Variants in SCP2 observed in about 807,000 individuals in gnomAD.
SCP2 encodes the protein sterol carrier protein 2, also known as SCP-2/3-oxoacyl-CoA thiolase.
In SCP2, 48 loss-of-function variants were observed where a neutral mutation model predicts 71.4. That is an observed-to-expected ratio of 0.67 (90% CI 0.53 to 0.86). The LOEUF (loss-of-function observed/expected upper bound fraction) is 0.86, where lower values mean the gene tolerates loss of function less well. Among genes scored for constraint, SCP2 ranks in the 40% least tolerant of loss-of-function variants. The pLI, the probability that SCP2 is intolerant of heterozygous loss-of-function variation, is 0.00. For missense variants in SCP2, 560 were observed against 655.6 expected (o/e 0.85, Z 1.59); for synonymous variants, 220 against 218.1 (o/e 1.01, Z -0.08).
At chr1:52,975,343 G>A (rs1395255579) in intron 7 of SCP2, among the ~76,000 whole-genome samples, 1 of 152,144 alleles carries the variant, frequency 6.6e-6, no homozygotes, top group East Asian at 1.9e-4. Flanking sequence ...ACAGCACCTG[G>A]CTAATTTTTG....
chr1:52,963,873 A>T (rs1656706426), intron 6 of SCP2, among the ~76,000 whole-genome samples: 1 of 152,100 alleles, frequency 6.6e-6, no homozygotes, highest in South Asian at 2.1e-4. Flanking sequence ...GCTATATTTA[A>T]TTTTAAATAA....
chr1:52,992,605 C>T (rs1386162578), intron 11 of SCP2, among the ~76,000 whole-genome samples: 2 of 152,170 alleles, frequency 1.3e-5, no homozygotes, highest in Non-Finnish European at 2.9e-5. Flanking sequence ...AGCAGTAACA[C>T]AGGCTTTTAT....
intron 2 of SCP2, among the ~76,000 whole-genome samples, chr1:52,947,783 G>A (rs192285273): frequency 2.0e-5 from 3 of 152,286 alleles, no homozygotes; most frequent in Admixed American, 6.5e-5. Context: ...AACAGAAAGT[G>A]TTAAGTACCA....
Position 52,972,776 on chromosome 1 carries a change from C to T in SCP2, c.524-1993C>T, listed in dbSNP as rs117018112. On this transcript the variant is annotated intron_variant, in intron 6 of 15. Coordinates refer to ENST00000371514, the MANE Select transcript of SCP2 (RefSeq NM_002979.5). ...AGCCCTTCAAATATCTGAAGCCAGC[C>T]TGACCCTATATTTAATTTCTTCTCT... 6.6e-4 allele frequency among the ~76,000 whole-genome samples: 100 copies of T among 152,290 alleles called. No individual in the cohort carries two copies. In the East Asian group the frequency reaches 0.018, roughly 27 times the overall value.
chr1:52,940,064 T>G (rs1654084843), intron 1 of SCP2, among the ~76,000 whole-genome samples: 1 of 152,198 alleles, frequency 6.6e-6, no homozygotes, highest in African/African-American at 2.4e-5. Flanking sequence ...TTTGCCATTC[T>G]AATTAATAGT....
At chr1:53,022,505 A>T (rs2150238114) in intron 12 of SCP2, among the ~76,000 whole-genome samples, 1 of 152,322 alleles carries the variant, frequency 6.6e-6, no homozygotes, top group South Asian at 2.1e-4. Context: ...AGAAAAGCCT[A>T]TTCAGATCCT....
At chr1:52,937,312 A>G (rs1368233886) in intron 1 of SCP2, among the ~76,000 whole-genome samples, 2 of 152,202 alleles carry the variant, frequency 1.3e-5, no homozygotes, top group Non-Finnish European at 2.9e-5. Context: ...GTAGTGAAAC[A>G]GGATTGCTGT....
chr1:53,001,892 T>G (rs958628278), intron 11 of SCP2, among the ~76,000 whole-genome samples: 6 of 152,182 alleles, frequency 3.9e-5, no homozygotes, highest in African/African-American at 1.2e-4. Flanking sequence ...TAAAAAAATC[T>G]TCCCTATTTA....
rs181743478 is a variant in SCP2 at position 52,981,140 on chromosome 1, C to T, written c.973+597C>T. Among the ~76,000 whole-genome samples, 792 of 152,282 alleles carry T rather than the reference C, an allele frequency of 5.2e-3. 4 individuals are homozygous for T. The highest frequency in any genetic ancestry group is 0.018 in the African/African-American group (749 of 41,558). The stretch of plus-strand genomic sequence containing the variant: ...AGAGACAGGGTTTCACCATGTTGGC[C>T]AGGCTCATCTCAAACTCCTGACCTC... On this transcript the variant is annotated intron_variant, in intron 10 of 15. Coordinates refer to ENST00000371514, the MANE Select transcript of SCP2 (RefSeq NM_002979.5).
At chr1:52,940,548 T>G (rs1375595881) in intron 1 of SCP2, 1 of 152,792 alleles carries the variant, frequency 6.5e-6, no homozygotes, top group Admixed American at 6.6e-5. Flanking sequence ...TCTATGCCCC[T>G]GGGTTAGTTG....
At chr1:52,993,735 T>C (rs984298025) in intron 11 of SCP2, 185 of 1,608,216 alleles carry the variant, frequency 1.2e-4, no homozygotes, top group Non-Finnish European at 1.4e-4. Flanking sequence ...ATTTGTAATA[T>C]GATTGAAGAC....
intron 11 of SCP2, among the ~76,000 whole-genome samples, chr1:53,003,879 T>C (rs1333330093): frequency 6.6e-6 from 1 of 152,156 alleles, no homozygotes; most frequent in African/African-American, 2.4e-5. Flanking sequence ...TTACTGTAGA[T>C]CTTAGCAACC....
At chr1:53,011,872 A>G (rs367840440) in intron 11 of SCP2, among the ~76,000 whole-genome samples, 1 of 152,174 alleles carries the variant, frequency 6.6e-6, no homozygotes, top group Non-Finnish European at 1.5e-5. Flanking sequence ...TTCTATTTAC[A>G]TCTAGCTTTT....
intron 1 of SCP2, among the ~76,000 whole-genome samples, chr1:52,933,522 A>T (rs191568149): frequency 6.6e-6 from 1 of 152,258 alleles, no homozygotes; most frequent in African/African-American, 2.4e-5. Context: ...TCTTTGGAGG[A>T]TAACAGGGAA....
At chr1:52,953,060 C>CTTTTTTTT (rs570429324) in intron 4 of SCP2, among the ~76,000 whole-genome samples, 1 of 103,674 alleles carries the variant, frequency 9.6e-6, no homozygotes, top group Non-Finnish European at 2.1e-5. Context: ...GCAATTCTGT[C>CTTTTTTTT]TTTTTTTTTT....
chr1:53,020,110 C>G (rs948813058), intron 12 of SCP2, among the ~76,000 whole-genome samples: 1 of 152,104 alleles, frequency 6.6e-6, no homozygotes, highest in Non-Finnish European at 1.5e-5. Context: ...TGGTCTTGAA[C>G]TCCTGAACTC....
chr1:52,960,212 C>T (rs565521630), intron 5 of SCP2, among the ~76,000 whole-genome samples: 1 of 152,136 alleles, frequency 6.6e-6, no homozygotes, highest in Admixed American at 6.6e-5. Context: ...CTAGTTTATT[C>T]TACTCACTTC....
intron 6 of SCP2, among the ~76,000 whole-genome samples, chr1:52,964,446 C>T (rs1289164818): frequency 6.6e-6 from 1 of 151,826 alleles, no homozygotes; most frequent in African/African-American, 2.4e-5. Flanking sequence ...GTGATCCGCC[C>T]AACTCAGCCT....
At chr1:53,009,575 T>C (rs918178003) in intron 11 of SCP2, among the ~76,000 whole-genome samples, 1 of 152,252 alleles carries the variant, frequency 6.6e-6, no homozygotes, top group Non-Finnish European at 1.5e-5. Context: ...GCTAGCCATA[T>C]GTAGAAAGCT....
Sources: allele counts gnomAD v4.1 joint callset (sites outside exome capture counted in the v4.1 genomes callset), GRCh38; gene constraint gnomAD v4.1.1; transcripts MANE v1.5; gene names NCBI Gene and HGNC (gene_info 2026-07-23, HGNC 2026-07-21).